CATSPERB: variants seen among roughly 807,000 people sequenced by gnomAD.
CATSPERB encodes the protein cation channel sperm-associated auxiliary subunit beta.
Under a neutral mutation model 128.3 loss-of-function variants are expected in CATSPERB, and 93 were observed. The observed-to-expected ratio is 0.72, with a 90% CI of 0.61 to 0.86. The LOEUF is 0.86. Ranked by LOEUF, CATSPERB falls within the 40% of genes least tolerant of loss-of-function variation. The pLI is 0.00. For missense variants in CATSPERB, 1,153 were observed against 1,329.5 expected, an observed-to-expected ratio of 0.87 and a Z score of 2.06; for synonymous variants, 381 against 448.8, an observed-to-expected ratio of 0.85 and a Z score of 1.91.
intron 13 of CATSPERB, among the ~76,000 whole-genome samples, chr14:91,670,512 A>G (rs1483459035): frequency 6.6e-6 from 1 of 151,604 alleles, no homozygotes; most frequent in Non-Finnish European, 1.5e-5. Context: ...ACCCAGTTGC[A>G]TTAAAAAAAA....
chr14:91,708,380 G>A (rs980783879), intron 5 of CATSPERB, 144 bp from the exon 6 acceptor site: 7 of 591,184 alleles, frequency 1.2e-5, no homozygotes, highest in East Asian at 3.0e-5. Context: ...AATTTCATAC[G>A]TTTTCCCTAT....
intron 17 of CATSPERB, among the ~76,000 whole-genome samples, chr14:91,626,597 C>T (rs1306304492): frequency 1.3e-5 from 2 of 151,998 alleles, no homozygotes; most frequent in Non-Finnish European, 2.9e-5. Flanking sequence ...CCCTGTCTTT[C>T]TCTCTCTCTT....
chr14:91,599,086 G>A (rs1156464551), intron 22 of CATSPERB, among the ~76,000 whole-genome samples: 1 of 152,198 alleles, frequency 6.6e-6, no homozygotes, highest in African/African-American at 2.4e-5. Context: ...ATTCATTGGA[G>A]GGGTGCTCTC....
intron 26 of CATSPERB, among the ~76,000 whole-genome samples, chr14:91,583,629 T>C (rs981305009): frequency 2.0e-5 from 3 of 152,254 alleles, no homozygotes; most frequent in Non-Finnish European, 2.9e-5. Flanking sequence ...CTCAGAATTA[T>C]GAGTCTGTTT....
At chr14:91,595,214 A>G (rs1412891426) in intron 22 of CATSPERB, among the ~76,000 whole-genome samples, 1 of 152,046 alleles carries the variant, frequency 6.6e-6, no homozygotes, top group East Asian at 1.9e-4. Flanking sequence ...ACAGTGTAGA[A>G]GAAAAATTAT....
At chr14:91,699,643 G>A (rs906605486) in intron 7 of CATSPERB, among the ~76,000 whole-genome samples, 5 of 150,744 alleles carry the variant, frequency 3.3e-5, no homozygotes, top group Admixed American at 6.6e-5. Context: ...GCGCGGTCTC[G>A]GCTCACTGCA....
At chr14:91,729,164 C>A (rs1896168668) in intron 2 of CATSPERB, among the ~76,000 whole-genome samples, 1 of 152,122 alleles carries the variant, frequency 6.6e-6, no homozygotes, top group Non-Finnish European at 1.5e-5. Context: ...ATGGGTGAAA[C>A]CCCATCTCTA....
chr14:91,629,283 C>T (rs759248063), intron 17 of CATSPERB, among the ~76,000 whole-genome samples: 5 of 152,102 alleles, frequency 3.3e-5, no homozygotes, highest in Admixed American at 2.0e-4. Flanking sequence ...AGGCTATATA[C>T]GGTATGATTC....
At chr14:91,612,011 G>GC (rs1893837088) in intron 20 of CATSPERB, among the ~76,000 whole-genome samples, 1 of 132,252 alleles carries the variant, frequency 7.6e-6, no homozygotes, top group South Asian at 2.5e-4. Context: ...ATTGTTTACT[G>GC]TTTTCTTTCT....
At chr14:91,609,669 T>C (rs1238296936) in intron 21 of CATSPERB, among the ~76,000 whole-genome samples, 2 of 152,240 alleles carry the variant, frequency 1.3e-5, no homozygotes, top group Non-Finnish European at 2.9e-5. Context: ...AGTATCTATA[T>C]ATATTTTATG....
chr14:91,704,608 C>T lies in CATSPERB; in HGVS notation c.560G>A (p.Cys187Tyr). ...TAATGCCACATCATTGGCACAGGGGCATTTTGTCACTTTGAGATCTACCAC... is the reference window on the plus strand; with the variant it reads ...TAATGCCACATCATTGGCACAGGGGTATTTTGTCACTTTGAGATCTACCAC... ...PHVVDLKVTK[C>Y]PCANDVALLG... Residue 187 changes from cysteine (C) to tyrosine (Y), a missense_variant, in exon 7 of 27, where the codon TGC (cysteine) becomes TAC (tyrosine). Transcript: ENST00000256343. 1.2e-6 allele frequency: 2 copies of T among 1,612,722 alleles called. No individual in the cohort carries two copies. The highest frequency in any genetic ancestry group is 1.7e-6 in the Non-Finnish European group (2 of 1,179,554).
At chr14:91,611,620 CAA>C in intron 20 of CATSPERB, among the ~76,000 whole-genome samples, 1 of 152,012 alleles carries the variant, frequency 6.6e-6, no homozygotes, top group South Asian at 2.1e-4. Flanking sequence ...AACAAACAAA[CAA>C]ACAAAAAAAC....
intron 23 of CATSPERB, among the ~76,000 whole-genome samples, chr14:91,591,165 C>CT (rs1451077996): frequency 6.6e-6 from 1 of 152,136 alleles, no homozygotes; most frequent in Non-Finnish European, 1.5e-5. Context: ...TTAAGCAATG[C>CT]TGTCTCAGCC....
At chr14:91,653,107 T>C (rs1017077140) in intron 15 of CATSPERB, among the ~76,000 whole-genome samples, 1 of 152,228 alleles carries the variant, frequency 6.6e-6, no homozygotes, top group Non-Finnish European at 1.5e-5. Flanking sequence ...CCATGCTTTT[T>C]GAAGTTATAT....
chr14:91,580,831 G>T lies in CATSPERB; in HGVS notation c.*58C>A. ...TGCATATTTAACATTTAAATATATT[G>T]TTCTAGGAATTGGCTGATAAAACTA... On this transcript the variant is annotated 3_prime_UTR_variant, in exon 27 of 27. Transcript: ENST00000256343. The T allele has an allele frequency of 3.1e-6, 4 of 1,310,482 alleles. No homozygotes were observed. The highest frequency in any genetic ancestry group is 3.3e-6 in the Non-Finnish European group (3 of 917,820). The allele number at this position is 1,310,482 out of a possible 1,614,324, so 81.2% of individuals were successfully genotyped here.
intron 14 of CATSPERB, among the ~76,000 whole-genome samples, chr14:91,666,958 T>C (rs1375409766): frequency 6.6e-6 from 1 of 152,216 alleles, no homozygotes; most frequent in Non-Finnish European, 1.5e-5. Context: ...TATATATTGA[T>C]GGAAGTTCAT....
chr14:91,591,302 G>C (rs568863685), intron 23 of CATSPERB, among the ~76,000 whole-genome samples: 1 of 152,060 alleles, frequency 6.6e-6, no homozygotes, highest in Admixed American at 6.5e-5. Context: ...TGATCCACCG[G>C]CGTTGGCCTC....
At chr14:91,594,826 G>A (rs1893475502) in intron 22 of CATSPERB, among the ~76,000 whole-genome samples, 1 of 152,166 alleles carries the variant, frequency 6.6e-6, no homozygotes. Flanking sequence ...TAGTAGGCAG[G>A]TATGAAAGTG....
intron 26 of CATSPERB, among the ~76,000 whole-genome samples, chr14:91,584,080 T>A (rs1283879894): frequency 6.6e-6 from 1 of 152,038 alleles, no homozygotes; most frequent in East Asian, 1.9e-4. Context: ...TTCCTTTTTT[T>A]TTGAGACAGA....
Sources: allele counts gnomAD v4.1 joint callset (sites outside exome capture counted in the v4.1 genomes callset), GRCh38; gene constraint gnomAD v4.1.1; transcripts MANE v1.5; gene names NCBI Gene and HGNC (gene_info 2026-07-23, HGNC 2026-07-21).